CTNNA2: variants seen among roughly 807,000 people sequenced by gnomAD.
CTNNA2 encodes catenin alpha 2.
A neutral mutation model predicts 101.0 loss-of-function variants in CTNNA2; 42 were observed. The observed-to-expected ratio is 0.42, with a 90% confidence interval of 0.32 to 0.54. CTNNA2 has a LOEUF of 0.54. Ranked by LOEUF, CTNNA2 falls within the 20% of genes least tolerant of loss-of-function variation. CTNNA2 has a pLI of 0.14. For missense variants in CTNNA2, 871 were observed against 1,223.1 expected (o/e 0.71, Z 4.29); for synonymous variants, 450 against 456.4 (o/e 0.99, Z 0.18).
chr2:79,196,534 G>A (rs903333115), intron 1 of CTNNA2, among the ~76,000 whole-genome samples: 2 of 152,166 alleles, frequency 1.3e-5, no homozygotes, highest in African/African-American at 4.8e-5. Flanking sequence ...CAATCAGTAT[G>A]AGAGTCTGAT....
chr2:80,220,135 A>G (rs929852119), intron 7 of CTNNA2, among the ~76,000 whole-genome samples: 1 of 152,174 alleles, frequency 6.6e-6, no homozygotes. Flanking sequence ...TACTGACTGC[A>G]GTTCTTCCTG....
intron 7 of CTNNA2, among the ~76,000 whole-genome samples, chr2:80,083,123 T>C (rs1699246874): frequency 6.6e-6 from 1 of 152,134 alleles, no homozygotes; most frequent in Non-Finnish European, 1.5e-5. Flanking sequence ...ATTCAAGACA[T>C]GGTTTGCCTT....
At chr2:80,335,874 G>A (rs180716697) in intron 7 of CTNNA2, among the ~76,000 whole-genome samples, 7 of 152,098 alleles carry the variant, frequency 4.6e-5, no homozygotes, top group Non-Finnish European at 1.0e-4. Flanking sequence ...TTTGTAGCTG[G>A]GGAAACCAAG....
At chr2:79,927,458 T>G (rs1404335943) in intron 7 of CTNNA2, among the ~76,000 whole-genome samples, 2 of 151,862 alleles carry the variant, frequency 1.3e-5, no homozygotes, top group Non-Finnish European at 2.9e-5. Flanking sequence ...GAGAAGACAG[T>G]GGGAATGAAA....
intron 7 of CTNNA2, among the ~76,000 whole-genome samples, chr2:80,116,293 T>A (rs1900265): frequency 6.6e-6 from 1 of 151,128 alleles, no homozygotes; most frequent in African/African-American, 2.4e-5. Context: ...GACTGTGTTC[T>A]GGCTGTTACA....
At chr2:80,325,284 G>T (rs531557350) in intron 7 of CTNNA2, among the ~76,000 whole-genome samples, 1 of 152,244 alleles carries the variant, frequency 6.6e-6, no homozygotes, top group East Asian at 1.9e-4. Flanking sequence ...CTGTAGATTT[G>T]CAGGATTTAT....
At chr2:80,568,858 G>A (rs1434521510) in intron 12 of CTNNA2, among the ~76,000 whole-genome samples, 1 of 152,150 alleles carries the variant, frequency 6.6e-6, no homozygotes, top group Non-Finnish European at 1.5e-5. Context: ...AGAATATGTG[G>A]TAATAAGGGG....
In CTNNA2 at chr2:80,172,735, C is replaced by A. The variant is rs539612431; in HGVS notation, c.1057-220476C>A. Reference sequence around the variant, plus strand: ...CTGAGGGAGAATGTGTTCCTTGCAGCTCTTCTAGTTTCTGGTGGTTAATTG... The same window carrying A: ...CTGAGGGAGAATGTGTTCCTTGCAGATCTTCTAGTTTCTGGTGGTTAATTG... On this transcript the variant is annotated intron_variant, in intron 7 of 18. Coordinates refer to ENST00000402739, the MANE Select transcript of CTNNA2 (RefSeq NM_001282597.3). Among the ~76,000 whole-genome samples, 4 of 152,312 alleles carry A rather than the reference C, an allele frequency of 2.6e-5. No homozygotes were observed. The South Asian group carries it at 8.3e-4, about 32-fold the overall frequency.
chr2:79,546,843 T>G (rs565076119), intron 1 of CTNNA2, among the ~76,000 whole-genome samples: 26 of 152,218 alleles, frequency 1.7e-4, no homozygotes, highest in Non-Finnish European at 3.7e-4. Context: ...AATAGCATTT[T>G]TATTTATTTT....
At chr2:79,249,491 A>C (rs941415047) in intron 2 of CTNNA2, among the ~76,000 whole-genome samples, 1 of 152,184 alleles carries the variant, frequency 6.6e-6, no homozygotes, top group Non-Finnish European at 1.5e-5. Flanking sequence ...CAGAAAGATT[A>C]CCAACTTTCC....
chr2:79,766,825 G>A (rs1379095987), intron 3 of CTNNA2, among the ~76,000 whole-genome samples: 2 of 151,440 alleles, frequency 1.3e-5, no homozygotes, highest in South Asian at 2.1e-4. Flanking sequence ...GCATGATCTC[G>A]GCTCACCGCA....
intron 3 of CTNNA2, among the ~76,000 whole-genome samples, chr2:79,769,754 G>A (rs1207120256): frequency 6.6e-6 from 1 of 152,168 alleles, no homozygotes; most frequent in Non-Finnish European, 1.5e-5. Context: ...CTTCTGATTA[G>A]GAGTTCTCCA....
chr2:79,600,211 T>G lies in CTNNA2; in HGVS notation c.-5-51341T>G, dbSNP rs1313264267. On this transcript the variant is annotated intron_variant, in intron 1 of 18. Transcript: ENST00000402739. ...TTATTTTTGAGACTATGTCTTCCTC[T>G]GTCACCCAGGCTGGAGTGCTGGGGC... Among the ~76,000 whole-genome samples, 5 of 152,056 alleles carry G rather than the reference T, an allele frequency of 3.3e-5. No homozygotes were observed. In the East Asian group the frequency reaches 9.7e-4, roughly 29 times the overall value.
chr2:79,547,637 G>T (rs552878318), intron 1 of CTNNA2: 1 of 152,214 alleles, frequency 6.6e-6, no homozygotes, highest in South Asian at 2.1e-4. Flanking sequence ...CATTATCTTC[G>T]TAGGGCCTCC....
rs75248760 is a variant in CTNNA2 at position 80,121,800 on chromosome 2, A to T, written c.1056+212003A>T. Among the ~76,000 whole-genome samples the T allele has an allele frequency of 6.2e-3, 945 of 152,306 alleles. 27 individuals carry two copies. Among genetic ancestry groups the T allele is most frequent in the Admixed American group, 0.047 (716 of 15,288 alleles). On this transcript the variant is annotated intron_variant, in intron 7 of 18. Transcript: ENST00000402739. ...GAATCAACCCCATAGAAGATTACTG[A>T]ATATCCATTATATGGTAAACCTGGT... is the stretch of plus-strand genomic sequence containing the variant.
intron 7 of CTNNA2, among the ~76,000 whole-genome samples, chr2:80,023,266 G>C (rs1177596900): frequency 6.6e-6 from 1 of 152,184 alleles, no homozygotes; most frequent in East Asian, 1.9e-4. Flanking sequence ...GTGAGCATTA[G>C]TGCGAGCTAA....
intron 7 of CTNNA2, among the ~76,000 whole-genome samples, chr2:80,318,328 T>G (rs745355378): frequency 6.6e-6 from 1 of 152,194 alleles, no homozygotes; most frequent in Non-Finnish European, 1.5e-5. Context: ...TGTTTGTTTC[T>G]GTGTGCCCCT....
At chr2:80,268,143 G>A (rs1042567706) in intron 7 of CTNNA2, among the ~76,000 whole-genome samples, 1 of 152,238 alleles carries the variant, frequency 6.6e-6, no homozygotes, top group Admixed American at 6.5e-5. Flanking sequence ...CTGCCCTAAA[G>A]GTTGTGCTCA....
chr2:80,443,972 G>A (rs1682842257), intron 9 of CTNNA2, among the ~76,000 whole-genome samples: 1 of 152,092 alleles, frequency 6.6e-6, no homozygotes. Context: ...GACATGAATA[G>A]GTTAAAATCA....
Sources: allele counts gnomAD v4.1 joint callset (sites outside exome capture counted in the v4.1 genomes callset), GRCh38; gene constraint gnomAD v4.1.1; transcripts MANE v1.5; gene names NCBI Gene and HGNC (gene_info 2026-07-23, HGNC 2026-07-21).